The following ATG4B variants were observed in gnomAD, a reference collection of about 807,000 sequenced individuals.
The protein encoded by ATG4B is cysteine protease ATG4B.
Under a neutral mutation model 56.6 loss-of-function variants are expected in ATG4B, and 29 were observed. That is an observed-to-expected ratio of 0.51 (90% CI 0.38 to 0.70). The LOEUF is 0.70. Among genes scored for constraint, ATG4B ranks in the 30% least tolerant of loss-of-function variants. ATG4B has a pLI of 0.00. For missense variants in ATG4B, 461 were observed against 515.5 expected (o/e 0.89, Z 1.02); for synonymous variants, 224 against 206.1 (o/e 1.09, Z -0.74).
At position 241,653,608 on chromosome 2, in the gene ATG4B, G is replaced by A. The variant is rs1462242413; in HGVS notation, c.281G>A (p.Arg94Gln). Residue 94 changes from arginine (R) to glutamine (Q), a missense_variant and splice_region_variant, in exon 4 of 13, where the codon CGA becomes CAA. Transcript: ENST00000404914. ...AQALVCRHLG[R>Q]DWRWTQRKRQ... ...GCCCTGGTGTGCCGGCACCTAGGCCGAGGTGAGTCACAGCCCTGGGGAGGG... is the reference window on the plus strand; with the variant it reads ...GCCCTGGTGTGCCGGCACCTAGGCCAAGGTGAGTCACAGCCCTGGGGAGGG... The A allele has an allele frequency of 6.4e-7, 1 of 1,563,318 alleles. No homozygotes were observed. The highest frequency in any genetic ancestry group is 8.7e-7 in the Non-Finnish European group (1 of 1,153,488).
chr2:241,657,225 T>A (rs1559260993), intron 6 of ATG4B, among the ~76,000 whole-genome samples: 1 of 148,812 alleles, frequency 6.7e-6, no homozygotes, highest in African/African-American at 2.5e-5. Context: ...TCCACCTGCC[T>A]TCGCCTCCCA....
chr2:241,665,257 C>T (rs959632074), intron 7 of ATG4B, among the ~76,000 whole-genome samples: 10 of 152,178 alleles, frequency 6.6e-5, no homozygotes, highest in African/African-American at 1.9e-4. Context: ...TGTTTTGACA[C>T]GCTTGGTTTT....
At chr2:241,664,240 C>T (rs1453716892) in intron 7 of ATG4B, among the ~76,000 whole-genome samples, 1 of 152,100 alleles carries the variant, frequency 6.6e-6, no homozygotes, top group African/African-American at 2.4e-5. Flanking sequence ...GTTAAAATCC[C>T]TCCCTTGGCT....
rs772435339 is a variant in ATG4B at position 241,668,124 on chromosome 2, G to T, written c.733-19G>T. The T allele has an allele frequency of 1.9e-6, 3 of 1,576,706 alleles. No individual in the cohort carries two copies. The Admixed American group carries it at 5.5e-5, about 29-fold the overall frequency. ...TGCTCCCACCTGGGACCTGTGCTCA[G>T]TCCCCCGCCCCTCCACAGCACTGCT... is the stretch of plus-strand genomic sequence containing the variant. On this transcript the variant is annotated intron_variant, in intron 8 of 12. Transcript: ENST00000404914. This position sits in a 1 kb window ranked among gnomAD's most constrained non-coding sequence, Gnocchi z 4.2.
chr2:241,646,349 C>T (rs2068059136), intron 1 of ATG4B, among the ~76,000 whole-genome samples: 1 of 152,150 alleles, frequency 6.6e-6, no homozygotes, highest in Admixed American at 6.6e-5. Flanking sequence ...ATATGGGAAA[C>T]TAGACATCCT....
At position 241,668,724 on chromosome 2, in the gene ATG4B, T is replaced by C; in HGVS notation, c.957+39T>C. The stretch of plus-strand genomic sequence containing the variant: ...ACCTGAGCACACAGGCATTTGGTGC[T>C]GAATGCTGTTTGGGAATGACGAGGA... On this transcript the variant is annotated intron_variant, in intron 10 of 12. Transcript: ENST00000404914. This position sits in a 1 kb window ranked among gnomAD's most constrained non-coding sequence, Gnocchi z 4.2. 6.5e-7 allele frequency: 1 copy of C among 1,538,782 alleles called. No individual in the cohort carries two copies. The highest frequency in any genetic ancestry group is 8.7e-7 in the Non-Finnish European group (1 of 1,147,608).
intron 1 of ATG4B, among the ~76,000 whole-genome samples, chr2:241,638,882 T>C (rs2067782634): frequency 6.6e-6 from 1 of 152,250 alleles, no homozygotes; most frequent in Admixed American, 6.5e-5. Context: ...TGTTGTTTAC[T>C]ATTTTACAAC....
At chr2:241,637,989 G>T (rs562749740) in intron 1 of ATG4B, among the ~76,000 whole-genome samples, 2 of 151,790 alleles carry the variant, frequency 1.3e-5, no homozygotes, top group Admixed American at 1.3e-4. Context: ...CGTCCGGAGC[G>T]CTCCGGAGGT....
At chr2:241,672,066 A>T (rs1294990563) in intron 12 of ATG4B, 125 bp from the exon 13 acceptor site, 3 of 1,446,454 alleles carry the variant, frequency 2.1e-6, no homozygotes, top group Non-Finnish European at 2.7e-6. Context: ...TCACACCCGC[A>T]TGGGGACAGC....
chr2:241,671,533 G>C, intron 12 of ATG4B, 128 bp downstream of exon 12: 8 of 1,542,578 alleles, frequency 5.2e-6, no homozygotes, highest in Non-Finnish European at 7.0e-6. Flanking sequence ...ACTTGGCAGT[G>C]GTTCGCCTGT....
rs1347104871 is a variant in ATG4B, at chr2:241,673,097, C to G, written c.*833C>G. On this transcript the variant is annotated 3_prime_UTR_variant, in exon 13 of 13. Transcript: ENST00000404914. ...CCAGGCTTGAGGGTGGACGGCGTGC[C>G]TCTCCCAGGAGCCTTCCCCATGTCC... The G allele has an allele frequency of 5.8e-6, 1 of 173,016 alleles. No individual in the cohort carries two copies. Among genetic ancestry groups the G allele is most frequent in the Non-Finnish European group, 1.3e-5 (1 of 79,654 alleles). The allele number at this position is 173,016 out of a possible 1,614,324, so 10.7% of individuals were successfully genotyped here.
In ATG4B at chr2:241,659,702, G is replaced by A. The variant is rs565058394; in HGVS notation, c.538+515G>A. ...AAACTGTGGCTCAGTTTTAACAAAT[G>A]GGCTCATTGAGTGAGTTCCAAATTC... On this transcript the variant is annotated intron_variant, in intron 7 of 12. Coordinates refer to ENST00000404914, the MANE Select transcript of ATG4B (RefSeq NM_013325.5). 16 of 238,596 alleles carry A rather than the reference G, an allele frequency of 6.7e-5. No homozygotes were observed. In the East Asian group the frequency reaches 1.8e-3, roughly 26 times the overall value. The allele number at this position is 238,596 out of a possible 1,614,324, so 14.8% of individuals were successfully genotyped here.
chr2:241,651,170 T>G lies in ATG4B; in HGVS notation c.112+59T>G, dbSNP rs2068217976. The G allele has an allele frequency of 2.0e-5, 31 of 1,564,540 alleles. No individual in the cohort carries two copies. Among genetic ancestry groups the G allele is most frequent in the Non-Finnish European group, 2.7e-5 (31 of 1,146,862 alleles). ...CCGCTTGGCCTGCAGAAGCATTTTG[T>G]GATCACTGTTCTCTGCTAACTCTGC... is the stretch of plus-strand genomic sequence containing the variant. On this transcript the variant is annotated intron_variant, in intron 2 of 12. Transcript: ENST00000404914. This position sits in a 1 kb window ranked among gnomAD's most constrained non-coding sequence, Gnocchi z 4.1.
In ATG4B at chr2:241,672,467, C is replaced by T. The variant is rs1018664693; in HGVS notation, c.*203C>T. The stretch of plus-strand genomic sequence containing the variant: ...GTCAGACTGCCCAGCTCAGAGTGCC[C>T]GTCAGGGCCTGTGCATCCGCACGCG... On this transcript the variant is annotated 3_prime_UTR_variant, in exon 13 of 13. Transcript: ENST00000404914. 22 of 597,710 alleles carry T rather than the reference C, an allele frequency of 3.7e-5. No individual in the cohort carries two copies. The highest frequency in any genetic ancestry group is 1.5e-4 in the Admixed American group (5 of 33,318). The allele number at this position is 597,710 out of a possible 1,614,324, so 37.0% of individuals were successfully genotyped here. A position where few individuals can be genotyped will look rare whatever the true frequency, so the allele number is the denominator to read the frequency against.
chr2:241,648,010 A>G (rs2125119494), intron 1 of ATG4B, among the ~76,000 whole-genome samples: 1 of 152,278 alleles, frequency 6.6e-6, no homozygotes, highest in East Asian at 1.9e-4. Flanking sequence ...GCTACTCGGG[A>G]GGATGAGGCA....
chr2:241,650,268 T>C (rs1045127317), intron 1 of ATG4B, among the ~76,000 whole-genome samples: 1 of 152,208 alleles, frequency 6.6e-6, no homozygotes, highest in Non-Finnish European at 1.5e-5. Flanking sequence ...CCTTGATCAC[T>C]AGGCTTTTTG....
Position 241,653,515 on chromosome 2 carries a change from G to C in ATG4B, c.188G>C (p.Gly63Ala). 1 of 1,577,970 alleles carries C rather than the reference G, an allele frequency of 6.3e-7. No homozygotes were observed. The highest frequency in any genetic ancestry group is 1.3e-5 in the African/African-American group (1 of 74,342). ...CTCTCTCTGTCTGCCACGACAGGGG[G>C]GACAGGCCCCACCTCGGACACAGGC... ...TYRKNFPAIG[G>A]TGPTSDTGWG... The change falls in exon 4 of 13, where the codon GGG (glycine) becomes GCG (alanine). Residue 63 changes from glycine to alanine, a missense_variant. Gly to Ala is a moderately conservative substitution (Grantham distance 60). Coordinates refer to ENST00000404914, the MANE Select transcript of ATG4B (RefSeq NM_013325.5).
At chr2:241,640,454 T>G (rs2067849180) in intron 1 of ATG4B, among the ~76,000 whole-genome samples, 1 of 152,228 alleles carries the variant, frequency 6.6e-6, no homozygotes, top group Admixed American at 6.5e-5. Flanking sequence ...TGTAATACAG[T>G]TTCTGTTCTG....
chr2:241,649,285 G>A (rs536902848), intron 1 of ATG4B, among the ~76,000 whole-genome samples: 49 of 152,340 alleles, frequency 3.2e-4, no homozygotes, highest in African/African-American at 1.0e-3. Context: ...ATGATTTCAC[G>A]TACGAACCTG....
Sources: allele counts gnomAD v4.1 joint callset (sites outside exome capture counted in the v4.1 genomes callset), GRCh38; gene constraint gnomAD v4.1.1; non-coding constraint Gnocchi (gnomAD v3.1); transcripts MANE v1.5; gene names NCBI Gene and HGNC (gene_info 2026-07-23, HGNC 2026-07-21).